ELP4: variants seen among roughly 807,000 people sequenced by gnomAD.
ELP4 encodes the protein elongator complex protein 4.
A neutral mutation model predicts 48.9 loss-of-function variants in ELP4; 51 were observed. The ratio of observed to expected loss-of-function variants is 1.04; its 90% CI spans 0.83 to 1.32. The LOEUF (loss-of-function observed/expected upper bound fraction) is 1.32. ELP4 is among the 40% of genes most tolerant of loss of function. The probability of loss-of-function intolerance (pLI) is 0.00; values close to 1 mark genes in which losing one functional copy is unlikely to be tolerated. For missense variants in ELP4, 519 were observed against 514.6 expected (o/e 1.01, Z -0.08); for synonymous variants, 210 against 189.2 (o/e 1.11, Z -0.90).
At chr11:31,530,734 T>C (rs574822641) in intron 2 of ELP4, among the ~76,000 whole-genome samples, 1 of 152,326 alleles carries the variant, frequency 6.6e-6, no homozygotes, top group Non-Finnish European at 1.5e-5. Context: ...AAGACAGCTA[T>C]CTTATGTCTC....
intron 3 of ELP4, among the ~76,000 whole-genome samples, chr11:31,593,447 T>C (rs1412134305): frequency 1.3e-5 from 2 of 152,158 alleles, no homozygotes; most frequent in African/African-American, 4.8e-5. Flanking sequence ...TTTTGTCATG[T>C]TGCCCAAACT....
intron 9 of ELP4, among the ~76,000 whole-genome samples, chr11:31,683,415 G>A (rs948563043): frequency 4.6e-5 from 7 of 152,068 alleles, no homozygotes; most frequent in African/African-American, 1.2e-4. Flanking sequence ...TTTAAAAGCC[G>A]TGTTAAAACG....
intron 3 of ELP4, among the ~76,000 whole-genome samples, chr11:31,563,132 C>G (rs1403849478): frequency 6.6e-6 from 1 of 152,050 alleles, no homozygotes; most frequent in Admixed American, 6.6e-5. Context: ...GTTACCAAAA[C>G]CTGGAAGGAT....
chr11:31,647,620 A>G, intron 7 of ELP4, 121 bp from the exon 8 acceptor site: 1 of 609,022 alleles, frequency 1.6e-6, no homozygotes, highest in Non-Finnish European at 2.9e-6. Context: ...CTTTTAAGTT[A>G]TTTCACTGTT....
chr11:31,746,052 A>G (rs1384285795), intron 9 of ELP4, among the ~76,000 whole-genome samples: 1 of 150,934 alleles, frequency 6.6e-6, no homozygotes, highest in Non-Finnish European at 1.5e-5. Context: ...CAAGAAAAAA[A>G]CAACCTCATC....
At chr11:31,572,790 A>G (rs770086691) in intron 3 of ELP4, among the ~76,000 whole-genome samples, 1 of 152,210 alleles carries the variant, frequency 6.6e-6, no homozygotes, top group Admixed American at 6.5e-5. Flanking sequence ...ACTTGAGGCC[A>G]GGAGTTAAGT....
chr11:31,685,821 G>A (rs980433071), intron 9 of ELP4, among the ~76,000 whole-genome samples: 4 of 151,426 alleles, frequency 2.6e-5, no homozygotes, highest in Non-Finnish European at 4.4e-5. Flanking sequence ...GTCCCAGCTA[G>A]CCAGGAGGCT....
intron 6 of ELP4, among the ~76,000 whole-genome samples, chr11:31,627,763 T>A (rs1250860342): frequency 1.3e-5 from 2 of 152,112 alleles, no homozygotes; most frequent in East Asian, 3.9e-4. Context: ...TGAGGAAGAT[T>A]TTATTTCTAC....
chr11:31,518,160 G>A (rs1322599234), intron 1 of ELP4, among the ~76,000 whole-genome samples: 2 of 150,728 alleles, frequency 1.3e-5, no homozygotes, highest in South Asian at 2.1e-4. Flanking sequence ...AGGCTGGAGT[G>A]CAATGGTGCA....
chr11:31,577,251 T>C (rs1274835616), intron 3 of ELP4, among the ~76,000 whole-genome samples: 2 of 152,162 alleles, frequency 1.3e-5, no homozygotes, highest in East Asian at 3.9e-4. Context: ...GTTGAATCCC[T>C]GTATAGACCA....
intron 9 of ELP4, among the ~76,000 whole-genome samples, chr11:31,746,536 C>T (rs1038625919): frequency 2.6e-5 from 4 of 152,158 alleles, no homozygotes; most frequent in Non-Finnish European, 5.9e-5. Context: ...GGCACATATA[C>T]ATCATGGAAT....
At chr11:31,683,878 A>G (rs1193873881) in intron 9 of ELP4, among the ~76,000 whole-genome samples, 4 of 152,216 alleles carry the variant, frequency 2.6e-5, no homozygotes, top group Non-Finnish European at 4.4e-5. Flanking sequence ...AATGAACAAT[A>G]GGAATTACAG....
chr11:31,586,717 C>T (rs1957479921), intron 3 of ELP4, among the ~76,000 whole-genome samples: 1 of 151,976 alleles, frequency 6.6e-6, no homozygotes, highest in African/African-American at 2.4e-5. Context: ...TCTCGGCTCG[C>T]TGCAAGCTCC....
intron 3 of ELP4, among the ~76,000 whole-genome samples, chr11:31,543,276 G>A (rs1248764195): frequency 6.6e-6 from 1 of 152,130 alleles, no homozygotes; most frequent in Non-Finnish European, 1.5e-5. Flanking sequence ...CCACGATTCT[G>A]AGGTGTTTGG....
At chr11:31,658,605 A>G (rs953814290) in intron 9 of ELP4, among the ~76,000 whole-genome samples, 1 of 151,902 alleles carries the variant, frequency 6.6e-6, no homozygotes, top group Admixed American at 6.6e-5. Context: ...AAGTGTGCCA[A>G]ATTTAATTAC....
At chr11:31,656,930 C>T (rs887348961) in intron 9 of ELP4, among the ~76,000 whole-genome samples, 2 of 152,002 alleles carry the variant, frequency 1.3e-5, no homozygotes, top group African/African-American at 2.4e-5. Flanking sequence ...ACATGATACT[C>T]TCTGAAACAC....
chr11:31,574,439 T>G (rs1291546713), intron 3 of ELP4, among the ~76,000 whole-genome samples: 3 of 152,156 alleles, frequency 2.0e-5, no homozygotes, highest in African/African-American at 7.2e-5. Context: ...AGAGTAGTCG[T>G]TCTCCCAGCA....
intron 1 of ELP4, among the ~76,000 whole-genome samples, chr11:31,516,408 T>C (rs1262939032): frequency 2.6e-5 from 4 of 152,260 alleles, no homozygotes; most frequent in Non-Finnish European, 1.5e-5. Context: ...AAGTGTGATA[T>C]AAGATGTTCA....
chr11:31,637,675 A>G lies in ELP4; in HGVS notation c.927+5270A>G, dbSNP rs953656051. Among the ~76,000 whole-genome samples the G allele has an allele frequency of 2.7e-4, 41 of 151,982 alleles. 1 individual carries two copies. Among genetic ancestry groups the G allele is most frequent in the African/African-American group, 8.9e-4 (37 of 41,422 alleles). ...TACAATAGGATACTGTTTGACTTCC[A>G]TATCTAGCAAGATATGAAACAATAA... On this transcript the variant is annotated intron_variant, in intron 7 of 9. Transcript: ENST00000640961.
Sources: gnomAD v4.1 joint callset for allele counts (sites outside exome capture counted in the v4.1 genomes callset) on GRCh38, gnomAD v4.1.1 for gene constraint, MANE v1.5 for transcripts, NCBI Gene and HGNC (gene_info 2026-07-23, HGNC 2026-07-21) for gene names.